Variants in ZAN observed in about 807,000 individuals in gnomAD.
ZAN encodes zonadhesin.
Under a neutral mutation model 286.2 loss-of-function variants are expected in ZAN, and 260 were observed. That is an observed-to-expected ratio of 0.91 (90% CI 0.82 to 1.01). The LOEUF (loss-of-function observed/expected upper bound fraction) is 1.01, where lower values mean the gene tolerates loss of function less well. ZAN is among the 50% of genes least tolerant of loss of function. ZAN has a pLI of 0.00. For missense variants in ZAN, 3,410 were observed against 3,639.2 expected (o/e 0.94, Z 1.62); for synonymous variants, 1,368 against 1,417.5 (o/e 0.97, Z 0.79).
chr7:100,746,606 G>T lies in ZAN; in HGVS notation c.835G>T (p.Val279Leu). The T allele has an allele frequency of 6.2e-7, 1 of 1,613,960 alleles. No homozygotes were observed. Among genetic ancestry groups the T allele is most frequent in the Non-Finnish European group, 8.5e-7 (1 of 1,179,892 alleles). ...PGQKAVLLSP[V>L]SLSSGCLSFS... is the part of the protein sequence containing the mutation. ...GCAGAAAGCTGTCCTCCTGAGCCCC[G>T]TGAGCCTGTCCTCTGGCTGTCTGAG... is the stretch of plus-strand genomic sequence containing the variant. Residue 279 changes from valine to leucine, a missense_variant, in exon 8 of 48, where the codon GTG becomes TTG. By Grantham distance (32) the Val-to-Leu change is conservative. Transcript: ENST00000613979.
chr7:100,759,698 T>C, intron 17 of ZAN, 23 bp from the exon 18 acceptor site: 1 of 1,569,878 alleles, frequency 6.4e-7, no homozygotes, highest in Non-Finnish European at 8.6e-7. Context: ...CACTGGGCTC[T>C]CTTCATTCCT....
At chr7:100,776,805 T>C (rs1260142795) in intron 34 of ZAN, among the ~76,000 whole-genome samples, 1 of 127,502 alleles carries the variant, frequency 7.8e-6, no homozygotes, top group Admixed American at 9.0e-5. Flanking sequence ...CAATCTCGGC[T>C]CACTGCAAGC....
intron 39 of ZAN, 128 bp from the exon 40 acceptor site, chr7:100,790,814 C>T (rs953488476): frequency 6.3e-5 from 64 of 1,012,948 alleles, no homozygotes; most frequent in East Asian, 4.3e-4. Context: ...AACCAGGAGG[C>T]GGAGGTTGCA....
intron 41 of ZAN, 101 bp from the exon 42 acceptor site, chr7:100,792,304 C>G: frequency 6.6e-7 from 1 of 1,517,618 alleles, no homozygotes; most frequent in South Asian, 1.3e-5. Context: ...TGGACACCGA[C>G]TGATGTCTTT....
chr7:100,746,680 C>T lies in ZAN; in HGVS notation c.909C>T (p.Leu303=), dbSNP rs1342743126. The T allele has an allele frequency of 6.2e-7, 1 of 1,613,954 alleles. No individual in the cohort carries two copies. The highest frequency in any genetic ancestry group is 2.2e-5 in the East Asian group (1 of 44,878). Residue 303 remains leucine (L), a synonymous_variant, in exon 8 of 48, where the codon CTC becomes CTT. Transcript: ENST00000613979. ...GGGGCCAGTCTCCTGGTGCAGCCCT[C>T]CACATTTATGCTTCAGTCTTGGGTT... ...ILRGQSPGAA[L]HIYASVLGSI...
In ZAN at chr7:100,738,326, G is replaced by A. The variant is rs1258798139; in HGVS notation, c.614-135G>A. 4 of 840,474 alleles carry A rather than the reference G, an allele frequency of 4.8e-6. 1 individual carries two copies. Among genetic ancestry groups the A allele is most frequent in the Non-Finnish European group, 7.4e-6 (4 of 539,642 alleles). The allele number at this position is 840,474 out of a possible 1,614,324, so 52.1% of individuals were successfully genotyped here. A position where few individuals can be genotyped will look rare whatever the true frequency, so the allele number is the denominator to read the frequency against. ...CTAGCTACTTGAGAGGTTGAGGTGG[G>A]AGGACCGCTTGAGTCCAGGAGTTCG... On this transcript the variant is annotated intron_variant, in intron 6 of 47. Coordinates refer to ENST00000613979, the MANE Select transcript of ZAN (RefSeq NM_003386.3).
intron 42 of ZAN, among the ~76,000 whole-genome samples, chr7:100,793,502 T>C (rs982434338): frequency 1.1e-4 from 16 of 152,220 alleles, no homozygotes; most frequent in African/African-American, 3.6e-4. Flanking sequence ...TGCAGTGGCA[T>C]GATCTCGGCT....
chr7:100,744,250 C>T (rs75269254), intron 7 of ZAN, among the ~76,000 whole-genome samples: 1,638 of 151,188 alleles, frequency 0.011, 67 homozygotes, highest in African/African-American at 0.037. Context: ...TCAGTGTCCA[C>T]TTGGACTCCT....
chr7:100,765,318 G>A lies in ZAN; in HGVS notation c.4268-34G>A, dbSNP rs753764245. ...TCCCACCCAGCCCCGTGGCTTGTTC[G>A]TCTCCTTCTCACCCAAGCTTCTCCC... On this transcript the variant is annotated intron_variant, in intron 22 of 47. Coordinates refer to ENST00000613979, the MANE Select transcript of ZAN (RefSeq NM_003386.3). The A allele has an allele frequency of 1.9e-5, 31 of 1,606,994 alleles. No homozygotes were observed. The South Asian group carries it at 2.6e-4, about 13-fold the overall frequency.
intron 19 of ZAN, among the ~76,000 whole-genome samples, chr7:100,761,617 G>A (rs1809586046): frequency 6.6e-6 from 1 of 152,042 alleles, no homozygotes; most frequent in African/African-American, 2.4e-5. Context: ...CTGAGCCACA[G>A]AGGGTGACCC....
chr7:100,787,207 T>C (rs1272251803), intron 37 of ZAN, among the ~76,000 whole-genome samples: 4 of 150,718 alleles, frequency 2.7e-5, no homozygotes, highest in Non-Finnish European at 5.9e-5. Flanking sequence ...GGTGGGAGGA[T>C]TTCTTGAGGC....
In ZAN at chr7:100,788,342, G is replaced by A. The variant is rs1811712725; in HGVS notation, c.7227+206G>A. ...AAGACGGGAGGATCACTTGAGCCCA[G>A]GAGTTCAAGACCAGCCTGGGCAACA... On this transcript the variant is annotated intron_variant, in intron 38 of 47. Transcript: ENST00000613979. 2.6e-5 allele frequency among the ~76,000 whole-genome samples: 4 copies of A among 152,116 alleles called. No individual in the cohort carries two copies. The South Asian group carries it at 8.3e-4, about 32-fold the overall frequency.
In ZAN at chr7:100,791,087, C is replaced by T. The variant is rs1303221101; in HGVS notation, c.7503C>T (p.Thr2501=). ...TTGGCAACAGCTGGGAGGTGAAGAC[C>T]GAGGACGCACTCCTGCGCTTCCCCA... is the stretch of plus-strand genomic sequence containing the variant. ...NTFGNSWEVK[T]EDALLRFPRA... The change falls in exon 40 of 48, where the codon ACC becomes ACT. Residue 2501 remains threonine (T), a synonymous_variant. Coordinates refer to ENST00000613979, the MANE Select transcript of ZAN (RefSeq NM_003386.3). 7.4e-6 allele frequency: 12 copies of T among 1,612,480 alleles called. No homozygotes were observed. The East Asian group carries it at 8.9e-5, about 12-fold the overall frequency.
chr7:100,754,598 G>A (rs1333732395), intron 14 of ZAN, among the ~76,000 whole-genome samples: 1 of 151,850 alleles, frequency 6.6e-6, no homozygotes, highest in African/African-American at 2.4e-5. Context: ...CTGCCTCTGG[G>A]GCTCAAGCAA....
chr7:100,753,759 G>C (rs1808955792), intron 14 of ZAN, among the ~76,000 whole-genome samples: 1 of 149,248 alleles, frequency 6.7e-6, no homozygotes, highest in South Asian at 2.1e-4. Flanking sequence ...CTTGAGCCTA[G>C]GAGGCTGAGG....
In ZAN at chr7:100,762,972, G is replaced by GTT. The variant is rs541919899; in HGVS notation, c.3986+630_3986+631dup. Among the ~76,000 whole-genome samples, 405 of 134,848 alleles carry GTT rather than the reference G, an allele frequency of 3.0e-3. 1 individual carries two copies. The highest frequency in any genetic ancestry group is 8.4e-3 in the African/African-American group (306 of 36,342). The allele number at this position is 134,848 out of a possible 152,430, so 88.5% of individuals were successfully genotyped here. A position where few individuals can be genotyped will look rare whatever the true frequency, so the allele number is the denominator to read the frequency against. On this transcript the variant is annotated intron_variant, in intron 20 of 47. Coordinates refer to ENST00000613979, the MANE Select transcript of ZAN (RefSeq NM_003386.3). ...ACCAGGCTGCTGGCCCTCCCCAACG[G>GTT]TTTTTTTTTTTTTTTTTGAGATGGA...
At chr7:100,770,717 C>G (rs1003800493) in intron 28 of ZAN, among the ~76,000 whole-genome samples, 1 of 150,660 alleles carries the variant, frequency 6.6e-6, no homozygotes, top group Non-Finnish European at 1.5e-5. Flanking sequence ...TGCAGTGGCA[C>G]GATCACAGCT....
intron 42 of ZAN, among the ~76,000 whole-genome samples, chr7:100,793,375 A>G (rs949755300): frequency 3.3e-5 from 5 of 152,062 alleles, no homozygotes; most frequent in African/African-American, 1.2e-4. Context: ...AATAAAAAAA[A>G]GACCCTAGAT....
intron 9 of ZAN, 82 bp downstream of exon 9, chr7:100,747,723 G>T (rs1386918827): frequency 2.2e-6 from 3 of 1,341,532 alleles, no homozygotes; most frequent in Non-Finnish European, 3.2e-6. Context: ...TGGTGCTGTG[G>T]CTCATGCCTG....
Sources: gnomAD v4.1 joint callset for allele counts (sites outside exome capture counted in the v4.1 genomes callset) on GRCh38, gnomAD v4.1.1 for gene constraint, MANE v1.5 for transcripts, NCBI Gene and HGNC (gene_info 2026-07-23, HGNC 2026-07-21) for gene names.